TAFA1: variants seen among roughly 807,000 people sequenced by gnomAD.
The protein encoded by TAFA1 is TAFA chemokine like family member 1, also known as chemokine-like protein TAFA-1.
Under a neutral mutation model 18.5 loss-of-function variants are expected in TAFA1, and 4 were observed. That is an observed-to-expected ratio of 0.22 (90% CI 0.11 to 0.49). The LOEUF (loss-of-function observed/expected upper bound fraction) is 0.49, where lower values mean the gene tolerates loss of function less well. Ranked by LOEUF, TAFA1 falls within the 20% of genes least tolerant of loss-of-function variation. The pLI is 0.98. For synonymous variants in TAFA1, 56 were observed against 55.2 expected (o/e 1.01, Z -0.06); for missense variants, 147 against 169.0 (o/e 0.87, Z 0.72).
intron 2 of TAFA1, among the ~76,000 whole-genome samples, chr3:68,191,220 C>G (rs1195434309): frequency 1.3e-5 from 2 of 151,490 alleles, no homozygotes; most frequent in Non-Finnish European, 3.0e-5. Flanking sequence ...TATATTTTTT[C>G]TTTGTGGTAC....
rs115138107 is a variant in TAFA1 at position 68,289,695 on chromosome 3, A to G, written c.119-127585A>G. On this transcript the variant is annotated intron_variant, in intron 2 of 4. Coordinates refer to ENST00000478136, the MANE Select transcript of TAFA1 (RefSeq NM_213609.4). ...TAGTTGGATGTGATCTGTGTTTTAG[A>G]AACTGAGCCTTCAAATTTTGCAGAT... Among the ~76,000 whole-genome samples the G allele has an allele frequency of 4.9e-3, 745 of 152,322 alleles. 14 individuals carry two copies. The highest frequency in any genetic ancestry group is 0.017 in the African/African-American group (713 of 41,582).
chr3:68,018,121 G>A (rs1704605638), intron 2 of TAFA1, among the ~76,000 whole-genome samples: 1 of 152,136 alleles, frequency 6.6e-6, no homozygotes, highest in Non-Finnish European at 1.5e-5. Context: ...CAATTAAAGG[G>A]AAAACAAGAT....
chr3:68,206,118 C>A (rs912538025), intron 2 of TAFA1, among the ~76,000 whole-genome samples: 1 of 151,762 alleles, frequency 6.6e-6, no homozygotes, highest in Non-Finnish European at 1.5e-5. Context: ...AAAAAACCAG[C>A]AGTCTTTGGT....
intron 3 of TAFA1, among the ~76,000 whole-genome samples, chr3:68,508,073 A>G (rs184165646): frequency 9.9e-5 from 15 of 152,156 alleles, no homozygotes; most frequent in Admixed American, 2.0e-4. Flanking sequence ...AGCCCATTAC[A>G]TTTATGATGA....
chr3:68,120,193 C>G (rs989090589), intron 2 of TAFA1, among the ~76,000 whole-genome samples: 2 of 58,822 alleles, frequency 3.4e-5, no homozygotes, highest in African/African-American at 1.4e-4. Context: ...TTCTTTCTTT[C>G]TTTCTTTCTT....
chr3:68,220,752 T>C (rs1254120400), intron 2 of TAFA1, among the ~76,000 whole-genome samples: 1 of 152,172 alleles, frequency 6.6e-6, no homozygotes, highest in Non-Finnish European at 1.5e-5. Flanking sequence ...CAGTGTTCTT[T>C]GGCTCATGTT....
At chr3:68,180,782 C>A (rs1286056472) in intron 2 of TAFA1, among the ~76,000 whole-genome samples, 4 of 152,134 alleles carry the variant, frequency 2.6e-5, no homozygotes, top group Non-Finnish European at 5.9e-5. Flanking sequence ...TAATACGACC[C>A]CTGATGATCC....
At chr3:68,487,757 A>G (rs1044123828) in intron 3 of TAFA1, among the ~76,000 whole-genome samples, 19 of 151,462 alleles carry the variant, frequency 1.3e-4, no homozygotes, top group Middle Eastern at 3.4e-3. Context: ...GTCTCAAAAA[A>G]AAAAAAAAAA....
At chr3:68,039,328 T>C (rs1384052542) in intron 2 of TAFA1, among the ~76,000 whole-genome samples, 1 of 152,192 alleles carries the variant, frequency 6.6e-6, no homozygotes, top group Non-Finnish European at 1.5e-5. Flanking sequence ...GAATAATACA[T>C]GAATATAATC....
intron 2 of TAFA1, among the ~76,000 whole-genome samples, chr3:68,173,971 A>G (rs2066091859): frequency 6.6e-6 from 1 of 152,232 alleles, no homozygotes; most frequent in Admixed American, 6.5e-5. Flanking sequence ...CACCCAACAT[A>G]TTTTAAAAGT....
chr3:68,337,188 C>T (rs531143004), intron 2 of TAFA1, among the ~76,000 whole-genome samples: 2 of 152,268 alleles, frequency 1.3e-5, no homozygotes, highest in East Asian at 3.9e-4. Context: ...GTTCCACACA[C>T]TATACAGGAA....
intron 2 of TAFA1, among the ~76,000 whole-genome samples, chr3:68,397,634 A>C (rs368083744): frequency 6.7e-6 from 1 of 149,794 alleles, no homozygotes; most frequent in African/African-American, 2.4e-5. Flanking sequence ...ACGTGTGCAT[A>C]TGTCTTTATA....
intron 2 of TAFA1, among the ~76,000 whole-genome samples, chr3:68,017,049 A>G (rs946331821): frequency 1.3e-5 from 2 of 152,228 alleles, no homozygotes; most frequent in African/African-American, 4.8e-5. Context: ...AATGGTAACT[A>G]GAGGTCAGCC....
chr3:68,377,884 C>T (rs2069849770), intron 2 of TAFA1, among the ~76,000 whole-genome samples: 1 of 152,226 alleles, frequency 6.6e-6, no homozygotes, highest in African/African-American at 2.4e-5. Context: ...CGGCCTGTTG[C>T]TTCAGAGGAT....
intron 2 of TAFA1, among the ~76,000 whole-genome samples, chr3:68,031,472 A>G (rs1017073162): frequency 1.3e-5 from 2 of 152,182 alleles, no homozygotes; most frequent in African/African-American, 4.8e-5. Flanking sequence ...AAAATAATAT[A>G]AGGCAAGAAG....
chr3:68,415,840 A>G (rs1162088475), intron 2 of TAFA1, among the ~76,000 whole-genome samples: 4 of 152,126 alleles, frequency 2.6e-5, no homozygotes, highest in South Asian at 2.1e-4. Context: ...ATTCAAACTA[A>G]AAGAGGCTGA....
At chr3:68,037,105 A>G (rs1575585721) in intron 2 of TAFA1, among the ~76,000 whole-genome samples, 1 of 152,150 alleles carries the variant, frequency 6.6e-6, no homozygotes, top group Non-Finnish European at 1.5e-5. Flanking sequence ...GAATGTAGAA[A>G]TAATGGTAGC....
At chr3:68,451,706 AAC>A (rs2106896706) in intron 3 of TAFA1, among the ~76,000 whole-genome samples, 2 of 152,332 alleles carry the variant, frequency 1.3e-5, no homozygotes, top group Admixed American at 6.5e-5. Context: ...ACAGAAAGAC[AAC>A]AAGACCAAAC....
rs540076791 is a variant in TAFA1, at chr3:68,116,739, C to T, written c.118+109995C>T. 1.1e-4 allele frequency among the ~76,000 whole-genome samples: 16 copies of T among 152,320 alleles called. No homozygotes were observed. In the South Asian group the frequency reaches 3.3e-3, roughly 32 times the overall value. On this transcript the variant is annotated intron_variant, in intron 2 of 4. Transcript: ENST00000478136. ...ATAAGCTTCATGAAAACAAGGACCT[C>T]TGGACCTAGTTCACCCTTGTCTTCC... is the stretch of plus-strand genomic sequence containing the variant.
Sources: allele counts gnomAD v4.1 joint callset (sites outside exome capture counted in the v4.1 genomes callset), GRCh38; gene constraint gnomAD v4.1.1; transcripts MANE v1.5; gene names NCBI Gene and HGNC (gene_info 2026-07-23, HGNC 2026-07-21).